Variants in WDFY1 observed in about 807,000 individuals in gnomAD.
The protein encoded by WDFY1 is WD repeat and FYVE domain containing 1.
Under a neutral mutation model 56.4 loss-of-function variants are expected in WDFY1, and 32 were observed. The ratio of observed to expected loss-of-function variants is 0.57; its 90% CI spans 0.43 to 0.76. The LOEUF is 0.76. Among genes scored for constraint, WDFY1 ranks in the 30% least tolerant of loss-of-function variants. The probability of loss-of-function intolerance (pLI) is 0.00; values close to 1 mark genes in which losing one functional copy is unlikely to be tolerated. For synonymous variants in WDFY1, 192 were observed against 197.3 expected, an observed-to-expected ratio of 0.97 and a Z score of 0.23; for missense variants, 480 against 545.7, an observed-to-expected ratio of 0.88 and a Z score of 1.20.
intron 2 of WDFY1, among the ~76,000 whole-genome samples, chr2:223,915,895 A>G (rs560203285): frequency 2.0e-5 from 3 of 152,188 alleles, no homozygotes; most frequent in Non-Finnish European, 4.4e-5. Flanking sequence ...CTCCATAAGC[A>G]CCTTCACTAA....
At chr2:223,901,474 T>C in intron 4 of WDFY1, 141 bp from the exon 5 acceptor site, 1 of 1,033,110 alleles carries the variant, frequency 9.7e-7, no homozygotes, top group Non-Finnish European at 1.4e-6. Context: ...CCTCTGTGAG[T>C]ATATTTCAGA....
chr2:223,888,018 AC>A (rs1693201484), intron 8 of WDFY1, among the ~76,000 whole-genome samples: 1 of 152,232 alleles, frequency 6.6e-6, no homozygotes, highest in African/African-American at 2.4e-5. Flanking sequence ...CATGAAACAC[AC>A]ATGCAACATT....
chr2:223,880,068 C>T (rs997463936), intron 11 of WDFY1, 56 bp downstream of exon 11: 1 of 1,442,786 alleles, frequency 6.9e-7, no homozygotes, highest in Non-Finnish European at 9.7e-7. Flanking sequence ...TGCACATTCA[C>T]AGCATGGTAA....
intron 4 of WDFY1, among the ~76,000 whole-genome samples, chr2:223,905,538 G>A (rs1693583156): frequency 6.6e-6 from 1 of 152,062 alleles, no homozygotes; most frequent in Admixed American, 6.6e-5. Context: ...TAGGATTAGA[G>A]TCAGAATAAC....
At chr2:223,902,876 AGTT>A (rs1185332958) in intron 4 of WDFY1, among the ~76,000 whole-genome samples, 2 of 151,966 alleles carry the variant, frequency 1.3e-5, no homozygotes, top group African/African-American at 4.8e-5. Flanking sequence ...CTAAATCTGT[AGTT>A]GTTAAACTCG....
intron 1 of WDFY1, among the ~76,000 whole-genome samples, chr2:223,944,007 T>G (rs1689359201): frequency 6.6e-6 from 1 of 152,272 alleles, no homozygotes; most frequent in South Asian, 2.1e-4. Flanking sequence ...TTACTCTGTC[T>G]GGTGAGTAAT....
At chr2:223,897,390 A>T (rs374952277) in intron 6 of WDFY1, among the ~76,000 whole-genome samples, 117,733 of 125,876 alleles carry the variant, frequency 0.94, 55,151 homozygotes, top group South Asian at 0.97. Flanking sequence ...ATATATATAT[A>T]TTTTTTAAGA....
chr2:223,889,498 A>G (rs980929081), intron 8 of WDFY1, among the ~76,000 whole-genome samples: 20 of 152,118 alleles, frequency 1.3e-4, no homozygotes, highest in Non-Finnish European at 2.5e-4. Context: ...TTCCCATGCT[A>G]TTCTCCTGGT....
intron 7 of WDFY1, among the ~76,000 whole-genome samples, chr2:223,894,696 A>G (rs1360419686): frequency 6.6e-6 from 1 of 152,160 alleles, no homozygotes; most frequent in Non-Finnish European, 1.5e-5. Flanking sequence ...TAACTCCCCT[A>G]CTGACCACAA....
At position 223,875,897 on chromosome 2, in the gene WDFY1, T is replaced by C. The variant is rs534310907; in HGVS notation, c.*2774A>G. ...CTGAGCTACTATGGTATTTATTACA[T>C]ATTTGGGTCAGTTTCACCAGTTTAA... On this transcript the variant is annotated 3_prime_UTR_variant, in exon 12 of 12. Transcript: ENST00000233055. The C allele has an allele frequency of 2.6e-5, 4 of 152,260 alleles. No individual in the cohort carries two copies. The South Asian group carries it at 8.3e-4, about 32-fold the overall frequency. The allele number at this position is 152,260 out of a possible 1,614,324, so 9.4% of individuals were successfully genotyped here. A position where few individuals can be genotyped will look rare whatever the true frequency, so the allele number is the denominator to read the frequency against.
chr2:223,895,343 C>T (rs569354758), intron 7 of WDFY1, among the ~76,000 whole-genome samples, 161 bp downstream of exon 7: 4 of 152,256 alleles, frequency 2.6e-5, no homozygotes, highest in Admixed American at 2.0e-4. Context: ...ATCAGACACT[C>T]GGGGCTGACA....
At chr2:223,918,588 G>A (rs528055478) in intron 1 of WDFY1, among the ~76,000 whole-genome samples, 16 of 151,170 alleles carry the variant, frequency 1.1e-4, no homozygotes, top group African/African-American at 2.2e-4. Context: ...CCGAGATTGC[G>A]CCACTGCACT....
chr2:223,907,814 A>C (rs1693623503), intron 3 of WDFY1, among the ~76,000 whole-genome samples: 1 of 151,480 alleles, frequency 6.6e-6, no homozygotes, highest in Admixed American at 6.6e-5. Context: ...CTTCCACTGG[A>C]TCTTTCTTCT....
rs1457168873 is a variant in WDFY1, at chr2:223,876,622, G to A, written c.*2049C>T. 4 of 152,052 alleles carry A rather than the reference G, an allele frequency of 2.6e-5. No individual in the cohort carries two copies. Among genetic ancestry groups the A allele is most frequent in the Non-Finnish European group, 5.9e-5 (4 of 68,010 alleles). 9.4% of individuals were successfully genotyped at this position (152,052 alleles called of 1,614,324 possible). ...TTAGGAGGCACTATAATAACTTTAT[G>A]TTCCCATGGAACATAGGGTTTTTCA... is the stretch of plus-strand genomic sequence containing the variant. On this transcript the variant is annotated 3_prime_UTR_variant, in exon 12 of 12. Coordinates refer to ENST00000233055, the MANE Select transcript of WDFY1 (RefSeq NM_020830.5).
chr2:223,897,392 T>C (rs1358915903), intron 6 of WDFY1, among the ~76,000 whole-genome samples: 2 of 78,074 alleles, frequency 2.6e-5, no homozygotes, highest in Non-Finnish European at 5.5e-5. Flanking sequence ...ATATATATAT[T>C]TTTTAAGACG....
intron 8 of WDFY1, among the ~76,000 whole-genome samples, chr2:223,885,076 C>T (rs1373738690): frequency 3.3e-5 from 5 of 151,934 alleles, no homozygotes; most frequent in African/African-American, 4.8e-5. Flanking sequence ...TCCTGACCTC[C>T]CAAAGTGCTG....
At chr2:223,938,856 A>T (rs1327037211) in intron 1 of WDFY1, among the ~76,000 whole-genome samples, 10 of 140,472 alleles carry the variant, frequency 7.1e-5, no homozygotes, top group East Asian at 2.1e-4. Context: ...TGTAAGCAGT[A>T]TTTTTTTTTT....
chr2:223,936,211 G>A (rs979766955), intron 1 of WDFY1, among the ~76,000 whole-genome samples: 1 of 151,800 alleles, frequency 6.6e-6, no homozygotes, highest in Non-Finnish European at 1.5e-5. Context: ...ACAGGCATGA[G>A]CCCCTACACC....
At chr2:223,910,866 A>T (rs1461714223) in intron 3 of WDFY1, among the ~76,000 whole-genome samples, 2 of 152,214 alleles carry the variant, frequency 1.3e-5, no homozygotes, top group Non-Finnish European at 2.9e-5. Flanking sequence ...AGTTGCTTAC[A>T]AGTTCAATAT....
Sources: gnomAD v4.1 joint callset for allele counts (sites outside exome capture counted in the v4.1 genomes callset) on GRCh38, gnomAD v4.1.1 for gene constraint, MANE v1.5 for transcripts, NCBI Gene and HGNC (gene_info 2026-07-23, HGNC 2026-07-21) for gene names.